Variants in RNGTT observed in about 807,000 individuals in gnomAD.
RNGTT encodes the protein mRNA-capping enzyme.
A neutral mutation model predicts 79.3 loss-of-function variants in RNGTT; 33 were observed. The ratio of observed to expected loss-of-function variants is 0.42; its 90% CI spans 0.32 to 0.56. RNGTT has a LOEUF of 0.56. Ranked by LOEUF, RNGTT falls within the 20% of genes least tolerant of loss-of-function variation. The pLI is 0.17. For missense variants in RNGTT, 497 were observed against 739.1 expected (o/e 0.67, Z 3.80); for synonymous variants, 222 against 235.9 (o/e 0.94, Z 0.54).
At position 88,616,448 on chromosome 6, in the gene RNGTT, T is replaced by C. The variant is rs112102577; in HGVS notation, c.1507-2053A>G. On this transcript the variant is annotated intron_variant, in intron 14 of 15. Transcript: ENST00000369485. ...GTTTTCCATAATGGCTGCATCAATT[T>C]ACATTCTCACTAACAGTATGCAAGG... Among the ~76,000 whole-genome samples the C allele has an allele frequency of 7.8e-3, 1,191 of 152,296 alleles. 16 individuals carry two copies. The highest frequency in any genetic ancestry group is 0.025 in the African/African-American group (1,059 of 41,564).
In RNGTT at chr6:88,612,618, T is replaced by C; in HGVS notation, c.*101A>G. On this transcript the variant is annotated 3_prime_UTR_variant, in exon 16 of 16. Coordinates refer to ENST00000369485, the MANE Select transcript of RNGTT (RefSeq NM_003800.5). The stretch of plus-strand genomic sequence containing the variant: ...AAAAAAATTCAAATGTGTATCAACA[T>C]CAAGCCACAGTCGTTTTTCAATTTC... 7.7e-7 allele frequency: 1 copy of C among 1,291,028 alleles called. No homozygotes were observed. Among genetic ancestry groups the C allele is most frequent in the Non-Finnish European group, 1.1e-6 (1 of 926,204 alleles). 80.0% of individuals were successfully genotyped at this position (1,291,028 alleles called of 1,614,324 possible).
At chr6:88,754,718 CCCAGGGAGGAAAACCACTTA>C (rs1777949886) in intron 13 of RNGTT, among the ~76,000 whole-genome samples, 1 of 152,170 alleles carries the variant, frequency 6.6e-6, no homozygotes, top group South Asian at 2.1e-4. Context: ...ACCTGGCCTA[CCCAGGGAGGAAAACCACTTA>C]AAGGCGTTCT....
At chr6:88,906,253 TACATTAATC>T in intron 5 of RNGTT, 103 bp downstream of exon 5, 3 of 645,404 alleles carry the variant, frequency 4.6e-6, no homozygotes, top group Non-Finnish European at 8.1e-6. Context: ...CAGTTCAAAT[TACATTAATC>T]ATGAGTTCAC....
At chr6:88,650,327 C>G (rs1773750184) in intron 14 of RNGTT, among the ~76,000 whole-genome samples, 1 of 152,202 alleles carries the variant, frequency 6.6e-6, no homozygotes, top group South Asian at 2.1e-4. Context: ...CTCACAGTCA[C>G]TGCCTTTTAC....
chr6:88,673,799 A>G (rs1179258489), intron 14 of RNGTT, among the ~76,000 whole-genome samples: 1 of 152,236 alleles, frequency 6.6e-6, no homozygotes, highest in African/African-American at 2.4e-5. Context: ...CTTTTGAGAC[A>G]CCATGTAACT....
chr6:88,859,548 T>C (rs1000435667), intron 8 of RNGTT, among the ~76,000 whole-genome samples: 2 of 152,326 alleles, frequency 1.3e-5, no homozygotes, highest in South Asian at 2.1e-4. Context: ...CAAATGGCCC[T>C]GTAGCTTAAG....
intron 9 of RNGTT, among the ~76,000 whole-genome samples, chr6:88,851,102 T>C (rs1781655183): frequency 6.6e-6 from 1 of 151,686 alleles, no homozygotes; most frequent in African/African-American, 2.4e-5. Context: ...TATGACCTTG[T>C]GGAAAAGACT....
chr6:88,617,927 G>A (rs1772294286), intron 14 of RNGTT, among the ~76,000 whole-genome samples: 1 of 151,772 alleles, frequency 6.6e-6, no homozygotes, highest in Non-Finnish European at 1.5e-5. Context: ...TAGGAAGGCT[G>A]ACTTTGAAAA....
chr6:88,634,514 T>TA (rs551251620), intron 14 of RNGTT, among the ~76,000 whole-genome samples: 175 of 152,254 alleles, frequency 1.1e-3, no homozygotes, highest in Non-Finnish European at 2.2e-3. Context: ...TGCATAGGGC[T>TA]AAAAGGCTAC....
chr6:88,653,480 T>C (rs925532831), intron 14 of RNGTT, among the ~76,000 whole-genome samples: 1 of 152,192 alleles, frequency 6.6e-6, no homozygotes, highest in Non-Finnish European at 1.5e-5. Context: ...ATATTTAAAG[T>C]GTTCTCAGAA....
At chr6:88,790,803 A>T (rs1779382113) in intron 12 of RNGTT, among the ~76,000 whole-genome samples, 1 of 152,198 alleles carries the variant, frequency 6.6e-6, no homozygotes, top group South Asian at 2.1e-4. Flanking sequence ...AATGTTGGCA[A>T]ATTTTACTTA....
intron 14 of RNGTT, among the ~76,000 whole-genome samples, chr6:88,674,691 A>G (rs1399859388): frequency 1.3e-5 from 2 of 152,166 alleles, no homozygotes; most frequent in Non-Finnish European, 2.9e-5. Context: ...AGGAGTTTTA[A>G]CTCACAACTC....
chr6:88,915,339 T>A (rs773240028), intron 4 of RNGTT, among the ~76,000 whole-genome samples: 2 of 152,160 alleles, frequency 1.3e-5, no homozygotes, highest in Admixed American at 6.5e-5. Context: ...CAGCACTATT[T>A]ACAATAGCAA....
chr6:88,650,756 C>T (rs888603874), intron 14 of RNGTT, among the ~76,000 whole-genome samples: 1 of 152,050 alleles, frequency 6.6e-6, no homozygotes, highest in Non-Finnish European at 1.5e-5. Context: ...AAATTAATAA[C>T]TATATAATAC....
chr6:88,693,335 A>G (rs12211691), intron 13 of RNGTT, among the ~76,000 whole-genome samples: 10,904 of 152,216 alleles, frequency 0.072, 448 homozygotes, highest in African/African-American at 0.094. Context: ...GATTATTATG[A>G]ACAACTATAT....
chr6:88,617,617 G>A (rs995380216), intron 14 of RNGTT, among the ~76,000 whole-genome samples: 1 of 152,200 alleles, frequency 6.6e-6, no homozygotes, highest in Non-Finnish European at 1.5e-5. Context: ...AAATCAGGAA[G>A]TGTGAGGCCT....
chr6:88,725,695 C>T (rs1430787922), intron 13 of RNGTT, among the ~76,000 whole-genome samples: 3 of 152,084 alleles, frequency 2.0e-5, no homozygotes, highest in Admixed American at 2.0e-4. Context: ...GTGAGAAATC[C>T]CCATGAGTGG....
intron 1 of RNGTT, among the ~76,000 whole-genome samples, chr6:88,958,565 T>G (rs977523601): frequency 2.6e-5 from 4 of 151,966 alleles, no homozygotes; most frequent in African/African-American, 9.7e-5. Flanking sequence ...ACAAAGGACA[T>G]GAACAGACAA....
chr6:88,941,577 A>G (rs1478320798), intron 1 of RNGTT, among the ~76,000 whole-genome samples: 1 of 152,170 alleles, frequency 6.6e-6, no homozygotes, highest in Non-Finnish European at 1.5e-5. Flanking sequence ...CTCTTAAAAC[A>G]TTTTAAATGG....
Sources: allele counts gnomAD v4.1 joint callset (sites outside exome capture counted in the v4.1 genomes callset), GRCh38; gene constraint gnomAD v4.1.1; transcripts MANE v1.5; gene names NCBI Gene and HGNC (gene_info 2026-07-23, HGNC 2026-07-21).